The following GART variants were observed in gnomAD, a reference collection of about 807,000 sequenced individuals.
The protein encoded by GART is phosphoribosylglycinamide formyltransferase, phosphoribosylglycinamide synthetase, phosphoribosylaminoimidazole synthetase, also known as trifunctional purine biosynthetic protein adenosine-3.
GART carries 43 observed loss-of-function variants against 107.2 expected under a neutral mutation model. The observed-to-expected ratio is 0.40, with a 90% CI of 0.31 to 0.52. The LOEUF is 0.52. GART is among the 20% of genes least tolerant of loss of function. GART has a pLI of 0.52. For missense variants in GART, 1,107 were observed against 1,206.5 expected, an observed-to-expected ratio of 0.92 and a Z score of 1.22; for synonymous variants, 434 against 427.0, an observed-to-expected ratio of 1.02 and a Z score of -0.20.
Position 33,528,206 on chromosome 21 carries a change from C to T in GART, c.1027G>A (p.Gly343Ser). The change falls in exon 10 of 22, where the codon GGT becomes AGT. Residue 343 changes from glycine (G) to serine (S), a missense_variant. Gly to Ser is a moderately conservative substitution (Grantham distance 56). Coordinates refer to ENST00000381815, the MANE Select transcript of GART (RefSeq NM_000819.5). ...TALTVVMASK[G>S]YPGDYTKGVE... ...CCCTTGGTGTAGTCTCCAGGATAACCTTTACTTGCCATGACAACAGTTAGG... is the reference window on the plus strand; with the variant it reads ...CCCTTGGTGTAGTCTCCAGGATAACTTTTACTTGCCATGACAACAGTTAGG... 6.2e-7 allele frequency: 1 copy of T among 1,613,904 alleles called. No individual in the cohort carries two copies. Among genetic ancestry groups the T allele is most frequent in the Non-Finnish European group, 8.5e-7 (1 of 1,179,954 alleles).
intron 14 of GART, 103 bp from the exon 15 acceptor site, chr21:33,517,711 T>G (rs1289731557): frequency 8.7e-7 from 1 of 1,147,716 alleles, no homozygotes; most frequent in East Asian, 2.4e-5. Context: ...CACATGGCTA[T>G]GTCCTGCAAA....
At chr21:33,533,236 G>A (rs531719245) in intron 4 of GART, among the ~76,000 whole-genome samples, 6 of 150,548 alleles carry the variant, frequency 4.0e-5, no homozygotes, top group Non-Finnish European at 7.4e-5. Context: ...TCAGGAGATC[G>A]AGACCATCCT....
At chr21:33,515,549 A>G (rs910762713) in intron 16 of GART, among the ~76,000 whole-genome samples, 1 of 147,742 alleles carries the variant, frequency 6.8e-6, no homozygotes, top group African/African-American at 2.5e-5. Flanking sequence ...CTGAGGCAGG[A>G]GAATCAGTTG....
At chr21:33,540,233 G>C (rs2085386076) in intron 1 of GART, among the ~76,000 whole-genome samples, 1 of 152,214 alleles carries the variant, frequency 6.6e-6, no homozygotes. Context: ...TAAACAGGCA[G>C]TGGGTCAGAG....
Position 33,515,964 on chromosome 21 carries a change from G to A in GART, c.2107+1025C>T, listed in dbSNP as rs143778905. ...CAGTGTCACGTTAAAATCCTACCTT[G>A]GGGCCGGGCGCGGTGGCTCATGCCT... On this transcript the variant is annotated intron_variant, in intron 16 of 21. Coordinates refer to ENST00000381815, the MANE Select transcript of GART (RefSeq NM_000819.5). Among the ~76,000 whole-genome samples the A allele has an allele frequency of 3.4e-3, 512 of 151,996 alleles. 3 individuals are homozygous for A. Among genetic ancestry groups the A allele is most frequent in the African/African-American group, 0.012 (479 of 41,474 alleles).
At chr21:33,508,662 G>A (rs1412142397) in intron 18 of GART, among the ~76,000 whole-genome samples, 1 of 151,754 alleles carries the variant, frequency 6.6e-6, no homozygotes. Context: ...GACTACAGAC[G>A]TGTGCCACCA....
intron 10 of GART, among the ~76,000 whole-genome samples, chr21:33,527,440 C>A (rs1056609990): frequency 6.6e-6 from 1 of 152,010 alleles, no homozygotes; most frequent in African/African-American, 2.4e-5. Flanking sequence ...ATCGCTTGAA[C>A]CCAGGAGGAG....
intron 2 of GART, 27 bp from the exon 3 acceptor site, chr21:33,535,347 A>AAC: frequency 7.8e-7 from 1 of 1,282,678 alleles, no homozygotes. Context: ...AAAAAAAAAA[A>AAC]CCACTGCATT....
chr21:33,533,996 CCT>C (rs1212153419), intron 4 of GART, among the ~76,000 whole-genome samples: 1 of 152,076 alleles, frequency 6.6e-6, no homozygotes, highest in Non-Finnish European at 1.5e-5. Context: ...GTATTTTTCC[CCT>C]GAGGAACTAC....
intron 16 of GART, among the ~76,000 whole-genome samples, chr21:33,516,017 G>A (rs553298924): frequency 6.6e-6 from 1 of 152,164 alleles, no homozygotes; most frequent in Admixed American, 6.5e-5. Context: ...GGAGGCTGAG[G>A]CGGGCGGATC....
intron 14 of GART, chr21:33,518,796 T>C: frequency 2.0e-6 from 1 of 497,246 alleles, no homozygotes; most frequent in Non-Finnish European, 3.9e-6. Context: ...AGAGCTTCAG[T>C]CGGTCTCCTT....
At chr21:33,504,570 T>A in intron 20 of GART, 43 bp from the exon 21 acceptor site, 1 of 1,397,926 alleles carries the variant, frequency 7.2e-7, no homozygotes, top group Non-Finnish European at 1.0e-6. Context: ...TTAAAAATCC[T>A]GGGTATTCTG....
chr21:33,520,543 T>G lies in GART; in HGVS notation c.1523A>C (p.Lys508Thr), dbSNP rs768074739. The G allele has an allele frequency of 1.8e-5, 29 of 1,614,092 alleles. No homozygotes were observed. Among genetic ancestry groups the G allele is most frequent in the Non-Finnish European group, 2.5e-5 (29 of 1,179,954 alleles). Residue 508 changes from lysine to threonine, a missense_variant, in exon 14 of 22, where the codon AAA becomes ACA. Physicochemically the swap from Lys to Thr is moderately conservative, Grantham distance 78. Coordinates refer to ENST00000381815, the MANE Select transcript of GART (RefSeq NM_000819.5). ...CAAATCTTGACCAATGGTATCATGT[T>G]TATTGCATAGCTGGGCAATCTATGT... ...TKLKIAQLCN[K>T]HDTIGQDLVA...
At chr21:33,539,127 A>C (rs1205808367) in intron 2 of GART, 44 bp downstream of exon 2, 1 of 1,561,784 alleles carries the variant, frequency 6.4e-7, no homozygotes, top group East Asian at 2.2e-5. Context: ...CATACCATTA[A>C]TAACAAATAA....
chr21:33,517,789 T>C (rs771858038), intron 14 of GART, among the ~76,000 whole-genome samples, 181 bp from the exon 15 acceptor site: 4 of 152,302 alleles, frequency 2.6e-5, no homozygotes, highest in East Asian at 1.9e-4. Context: ...TCAGGAGAAA[T>C]AGCACTTGTT....
intron 18 of GART, among the ~76,000 whole-genome samples, chr21:33,507,048 C>G (rs949181789): frequency 6.6e-6 from 1 of 152,108 alleles, no homozygotes; most frequent in African/African-American, 2.4e-5. Flanking sequence ...TCCAGCAATC[C>G]CATTGCTAGG....
intron 18 of GART, among the ~76,000 whole-genome samples, chr21:33,507,068 A>C (rs559309283): frequency 1.6e-4 from 25 of 152,352 alleles, no homozygotes; most frequent in African/African-American, 6.0e-4. Flanking sequence ...GTATATACCC[A>C]AAAGAAAGAA....
chr21:33,542,211 T>G (rs2085454385), upstream of GART: 4 of 152,232 alleles, frequency 2.6e-5, no homozygotes, highest in South Asian at 8.3e-4. Flanking sequence ...GCCCTGGGTC[T>G]CCGCGGCGAG....
chr21:33,542,817 G>C (rs1009170860), upstream of GART: 1 of 529,874 alleles, frequency 1.9e-6, no homozygotes, highest in African/African-American at 1.9e-5. Flanking sequence ...CAAGAGAGAC[G>C]GCTCCTGTAA....
Sources: gnomAD v4.1 joint callset for allele counts (sites outside exome capture counted in the v4.1 genomes callset) on GRCh38, gnomAD v4.1.1 for gene constraint, MANE v1.5 for transcripts, NCBI Gene and HGNC (gene_info 2026-07-23, HGNC 2026-07-21) for gene names.